Variants in BICD1 observed in about 807,000 individuals in gnomAD.
BICD1 encodes BICD cargo adaptor 1, also known as protein bicaudal D homolog 1.
Under a neutral mutation model 92.5 loss-of-function variants are expected in BICD1, and 35 were observed. The observed-to-expected ratio is 0.38, with a 90% confidence interval of 0.29 to 0.50. The LOEUF (loss-of-function observed/expected upper bound fraction) is 0.50, where lower values mean the gene tolerates loss of function less well. Among genes scored for constraint, BICD1 ranks in the 20% least tolerant of loss-of-function variants. The pLI is 0.93. For synonymous variants in BICD1, 429 were observed against 465.1 expected, an observed-to-expected ratio of 0.92 and a Z score of 1.00; for missense variants, 950 against 1,189.8, an observed-to-expected ratio of 0.80 and a Z score of 2.97.
intron 6 of BICD1, among the ~76,000 whole-genome samples, chr12:32,336,859 C>T (rs986874821): frequency 4.6e-5 from 7 of 152,140 alleles, no homozygotes; most frequent in Non-Finnish European, 8.8e-5. Flanking sequence ...TACCTGTAAT[C>T]GCAGCACTTT....
At chr12:32,264,748 C>T (rs1946945279) in intron 2 of BICD1, among the ~76,000 whole-genome samples, 1 of 152,164 alleles carries the variant, frequency 6.6e-6, no homozygotes, top group African/African-American at 2.4e-5. Flanking sequence ...CTTGGCCTCC[C>T]AAAATGCTGG....
intron 8 of BICD1, among the ~76,000 whole-genome samples, chr12:32,363,343 C>CA (rs1939404489): frequency 6.6e-6 from 1 of 152,102 alleles, no homozygotes; most frequent in Non-Finnish European, 1.5e-5. Flanking sequence ...TACTTGAACT[C>CA]ACTGCATTAC....
At position 32,317,362 on chromosome 12, in the gene BICD1, G is replaced by C. The variant is rs548340230; in HGVS notation, c.1006-10099G>C. 4.9e-3 allele frequency among the ~76,000 whole-genome samples: 745 copies of C among 152,268 alleles called. 8 individuals carry two copies. The highest frequency in any genetic ancestry group is 0.017 in the African/African-American group (716 of 41,554). ...TTCCTATTTCTCCACATCCTCTCCA[G>C]CACCTGTTGTTTCCTGACTTTTTAA... On this transcript the variant is annotated intron_variant, in intron 4 of 9. Transcript: ENST00000652176.
chr12:32,163,375 C>G (rs1318749494), intron 1 of BICD1, among the ~76,000 whole-genome samples: 1 of 151,954 alleles, frequency 6.6e-6, no homozygotes, highest in East Asian at 1.9e-4. Context: ...TATTATAAGA[C>G]TAATACATGT....
At chr12:32,199,906 C>CT (rs1300667899) in intron 1 of BICD1, among the ~76,000 whole-genome samples, 1 of 151,990 alleles carries the variant, frequency 6.6e-6, no homozygotes, top group East Asian at 1.9e-4. Flanking sequence ...TTTTGTTATG[C>CT]TTTAAGGCCC....
intron 2 of BICD1, among the ~76,000 whole-genome samples, chr12:32,243,602 G>C (rs11051870): frequency 6.6e-6 from 1 of 151,636 alleles, no homozygotes; most frequent in Admixed American, 6.6e-5. Flanking sequence ...TTTCTTAATC[G>C]TTTTCTATGA....
chr12:32,339,439 T>C, intron 8 of BICD1: 8 of 986,012 alleles, frequency 8.1e-6, no homozygotes, highest in Non-Finnish European at 9.6e-6. Context: ...ATCATTATAT[T>C]GAGAATAAAA....
At chr12:32,279,915 A>T (rs1247068721) in intron 2 of BICD1, among the ~76,000 whole-genome samples, 1 of 152,204 alleles carries the variant, frequency 6.6e-6, no homozygotes, top group Non-Finnish European at 1.5e-5. Flanking sequence ...CCTGACTAAC[A>T]TGGTGAAACC....
At chr12:32,376,915 T>C (rs1275833587) in intron 9 of BICD1, among the ~76,000 whole-genome samples, 6 of 144,394 alleles carry the variant, frequency 4.2e-5, no homozygotes, top group Admixed American at 7.0e-5. Flanking sequence ...TCCTTATACC[T>C]CCAAGCCCAA....
At chr12:32,307,833 A>G (rs941105432) in intron 4 of BICD1, among the ~76,000 whole-genome samples, 2 of 152,222 alleles carry the variant, frequency 1.3e-5, no homozygotes, top group Non-Finnish European at 2.9e-5. Context: ...TATTCATAAG[A>G]ATTTGTGCCC....
In BICD1 at chr12:32,338,782, C is replaced by T; in HGVS notation, c.2571-4C>T. On this transcript the variant is annotated splice_polypyrimidine_tract_variant and splice_region_variant and intron_variant, in intron 7 of 9. Coordinates refer to ENST00000652176, the MANE Select transcript of BICD1 (RefSeq NM_001714.4). Reference sequence around the variant, plus strand: ...ATATGTATTTTTCTTGGATCTCCTGCAAGACAATTTTCACCTTCCCTTTGT... The same window carrying T: ...ATATGTATTTTTCTTGGATCTCCTGTAAGACAATTTTCACCTTCCCTTTGT... 2 of 1,568,518 alleles carry T rather than the reference C, an allele frequency of 1.3e-6. No individual in the cohort carries two copies. The highest frequency in any genetic ancestry group is 8.6e-7 in the Non-Finnish European group (1 of 1,163,794).
intron 1 of BICD1, among the ~76,000 whole-genome samples, chr12:32,185,948 C>A (rs1256061914): frequency 6.6e-6 from 1 of 151,578 alleles, no homozygotes; most frequent in Non-Finnish European, 1.5e-5. Flanking sequence ...TAAACACCGC[C>A]AGTTGATTAT....
chr12:32,207,251 C>CTA (rs4001799), intron 1 of BICD1, among the ~76,000 whole-genome samples: 148,149 of 152,236 alleles, frequency 0.97, 72,210 homozygotes, highest in East Asian at 1. Context: ...AAAAAACTCT[C>CTA]AACAGTTGAC....
At chr12:32,290,024 G>A (rs534839025) in intron 2 of BICD1, among the ~76,000 whole-genome samples, 1 of 152,316 alleles carries the variant, frequency 6.6e-6, no homozygotes, top group East Asian at 1.9e-4. Flanking sequence ...TGGTGGAGTA[G>A]GCATAGGTGA....
chr12:32,371,654 C>G (rs930677111), intron 9 of BICD1, among the ~76,000 whole-genome samples: 1 of 152,110 alleles, frequency 6.6e-6, no homozygotes, highest in African/African-American at 2.4e-5. Context: ...GTGGCGTGAT[C>G]TTGGCTCACT....
rs1375369579 is a variant in BICD1 at position 32,117,707 on chromosome 12, T to TACAC, written c.213+10164_213+10165insCACA. Among the ~76,000 whole-genome samples the TACAC allele has an allele frequency of 5.3e-3, 333 of 63,398 alleles. 1 individual carries two copies. Among genetic ancestry groups the TACAC allele is most frequent in the African/African-American group, 0.023 (262 of 11,580 alleles). The allele number at this position is 63,398 out of a possible 152,430, so 41.6% of individuals were successfully genotyped here. On this transcript the variant is annotated intron_variant, in intron 1 of 9. Coordinates refer to ENST00000652176, the MANE Select transcript of BICD1 (RefSeq NM_001714.4). The stretch of plus-strand genomic sequence containing the variant: ...ATATATATATATATATACACAAATA[T>TACAC]ATATACACACACACACACACACACA...
At chr12:32,304,510 G>T (rs2136215941) in intron 3 of BICD1, among the ~76,000 whole-genome samples, 1 of 152,244 alleles carries the variant, frequency 6.6e-6, no homozygotes, top group Non-Finnish European at 1.5e-5. Flanking sequence ...GCAATGAGGT[G>T]GATAAAAAAG....
At chr12:32,170,196 A>G (rs1943895986) in intron 1 of BICD1, among the ~76,000 whole-genome samples, 2 of 152,214 alleles carry the variant, frequency 1.3e-5, no homozygotes, top group Admixed American at 1.3e-4. Flanking sequence ...ATGCTCTGAA[A>G]AAGAAAAAAT....
intron 1 of BICD1, among the ~76,000 whole-genome samples, chr12:32,163,369 A>T (rs1319941916): frequency 1.3e-5 from 2 of 152,136 alleles, no homozygotes; most frequent in Admixed American, 1.3e-4. Context: ...TATTTTTATT[A>T]TAAGACTAAT....
Sources: allele counts gnomAD v4.1 joint callset (sites outside exome capture counted in the v4.1 genomes callset), GRCh38; gene constraint gnomAD v4.1.1; transcripts MANE v1.5; gene names NCBI Gene and HGNC (gene_info 2026-07-23, HGNC 2026-07-21).